DLG2: variants seen among roughly 807,000 people sequenced by gnomAD.
DLG2 encodes the protein disks large homolog 2.
A neutral mutation model predicts 132.5 loss-of-function variants in DLG2; 45 were observed. That is an observed-to-expected ratio of 0.34 (90% confidence interval 0.27 to 0.44). The LOEUF (loss-of-function observed/expected upper bound fraction) is 0.44, where lower values mean the gene tolerates loss of function less well. DLG2 is among the 20% of genes least tolerant of loss of function. DLG2 has a pLI of 1.00. For missense variants in DLG2, 1,045 were observed against 1,196.9 expected, an observed-to-expected ratio of 0.87 and a Z score of 1.87; for synonymous variants, 424 against 419.6, an observed-to-expected ratio of 1.01 and a Z score of -0.13.
At chr11:84,329,661 A>C (rs2154400590) in intron 7 of DLG2, among the ~76,000 whole-genome samples, 1 of 152,332 alleles carries the variant, frequency 6.6e-6, no homozygotes, top group Admixed American at 6.5e-5. Context: ...AGAACAGACT[A>C]AGATACATGC....
chr11:84,576,266 G>T (rs2099499744), intron 6 of DLG2, among the ~76,000 whole-genome samples: 1 of 152,098 alleles, frequency 6.6e-6, no homozygotes, highest in Non-Finnish European at 1.5e-5. Flanking sequence ...TAGCATTAAT[G>T]CCTGCCACAT....
At chr11:85,185,076 T>C (rs2079994764) in intron 4 of DLG2, among the ~76,000 whole-genome samples, 2 of 151,948 alleles carry the variant, frequency 1.3e-5, no homozygotes, top group Non-Finnish European at 2.9e-5. Flanking sequence ...TTTGTCTGCT[T>C]TTTCTTTTAT....
At chr11:84,984,801 T>C (rs1168590484) in intron 6 of DLG2, among the ~76,000 whole-genome samples, 1 of 152,148 alleles carries the variant, frequency 6.6e-6, no homozygotes, top group Non-Finnish European at 1.5e-5. Flanking sequence ...AGACATTCCA[T>C]GCAAATTGAC....
At chr11:84,566,467 G>A (rs913264179) in intron 6 of DLG2, among the ~76,000 whole-genome samples, 1 of 152,164 alleles carries the variant, frequency 6.6e-6, no homozygotes, top group African/African-American at 2.4e-5. Context: ...GAATACAAAT[G>A]TCCCTCTCTC....
At chr11:85,426,801 A>G (rs1458799860) in intron 3 of DLG2, among the ~76,000 whole-genome samples, 2 of 152,348 alleles carry the variant, frequency 1.3e-5, no homozygotes, top group Non-Finnish European at 2.9e-5. Context: ...AGTTGAGAGA[A>G]GAAGGCTTCA....
chr11:83,828,731 A>G (rs1003579549), intron 17 of DLG2, among the ~76,000 whole-genome samples: 2 of 152,196 alleles, frequency 1.3e-5, no homozygotes, highest in Admixed American at 1.3e-4. Context: ...GGGTATCTGA[A>G]CCTTTTTAAA....
intron 7 of DLG2, among the ~76,000 whole-genome samples, chr11:84,338,595 C>T (rs933564784): frequency 2.0e-5 from 3 of 152,140 alleles, no homozygotes; most frequent in South Asian, 2.1e-4. Flanking sequence ...GAGGCCAAGG[C>T]GGGAGTATCA....
chr11:84,872,745 T>G (rs1447428802), intron 6 of DLG2, among the ~76,000 whole-genome samples: 1 of 152,224 alleles, frequency 6.6e-6, no homozygotes, highest in Non-Finnish European at 1.5e-5. Context: ...CTTACTCTCT[T>G]TACAGTTTCA....
At chr11:85,440,340 A>G (rs1039760143) in intron 3 of DLG2, among the ~76,000 whole-genome samples, 2 of 152,240 alleles carry the variant, frequency 1.3e-5, no homozygotes, top group Non-Finnish European at 2.9e-5. Context: ...ATGTGATAAC[A>G]TATTTAAGAT....
rs141738485 is a variant in DLG2, at chr11:84,872,565, T to C, written c.357+239096A>G. ...AAGTGTAAGTATTGCCCAGTTTTAT[T>C]AAGGAAGTCATCAATAATTTCACAA... is the stretch of plus-strand genomic sequence containing the variant. On this transcript the variant is annotated intron_variant, in intron 6 of 27. Coordinates refer to ENST00000376104, the MANE Select transcript of DLG2 (RefSeq NM_001142699.3). 1.2e-3 allele frequency among the ~76,000 whole-genome samples: 189 copies of C among 152,350 alleles called. 1 individual carries two copies. Among genetic ancestry groups the C allele is most frequent in the African/African-American group, 4.3e-3 (179 of 41,586 alleles).
chr11:83,508,596 C>T (rs1168624744), intron 21 of DLG2, among the ~76,000 whole-genome samples: 1 of 151,838 alleles, frequency 6.6e-6, no homozygotes, highest in Admixed American at 6.6e-5. Context: ...CTCCTCTGTG[C>T]CATTGTCACA....
At chr11:84,079,403 C>T (rs1392369979) in intron 10 of DLG2, among the ~76,000 whole-genome samples, 1 of 152,108 alleles carries the variant, frequency 6.6e-6, no homozygotes, top group Admixed American at 6.5e-5. Flanking sequence ...CATGCTTCAG[C>T]CTCCCAAGTA....
chr11:83,939,838 T>G (rs1305385548), intron 14 of DLG2, among the ~76,000 whole-genome samples: 3 of 152,216 alleles, frequency 2.0e-5, no homozygotes, highest in East Asian at 3.8e-4. Context: ...GGGAACACTC[T>G]TATACCTTTA....
intron 7 of DLG2, among the ~76,000 whole-genome samples, chr11:84,455,238 C>T (rs943824629): frequency 4.0e-5 from 6 of 151,362 alleles, no homozygotes; most frequent in Non-Finnish European, 7.4e-5. Flanking sequence ...CACCATTTAA[C>T]GTTTAGTAAT....
intron 7 of DLG2, among the ~76,000 whole-genome samples, chr11:84,373,453 C>T (rs962533541): frequency 1.4e-4 from 21 of 151,702 alleles, no homozygotes; most frequent in Non-Finnish European, 2.5e-4. Context: ...GCCTGGAATC[C>T]CAGCTACTCA....
intron 7 of DLG2, among the ~76,000 whole-genome samples, chr11:84,269,221 C>T (rs772261702): frequency 5.3e-5 from 8 of 152,096 alleles, no homozygotes; most frequent in Non-Finnish European, 7.4e-5. Flanking sequence ...AGGTAAATAC[C>T]CCCAGGGCAA....
intron 3 of DLG2, 77 bp downstream of exon 3, chr11:85,598,580 G>T: frequency 2.9e-6 from 3 of 1,045,582 alleles, no homozygotes; most frequent in Non-Finnish European, 3.9e-6. Context: ...TTAACATCAG[G>T]TTCTTTGACC....
chr11:83,593,723 G>A (rs1226273832), intron 19 of DLG2, among the ~76,000 whole-genome samples: 5 of 148,872 alleles, frequency 3.4e-5, no homozygotes, highest in African/African-American at 9.9e-5. Flanking sequence ...TAAAAATCAT[G>A]TGGAAATCCA....
chr11:84,259,210 G>A (rs1478717208), intron 7 of DLG2, among the ~76,000 whole-genome samples: 6 of 151,448 alleles, frequency 4.0e-5, no homozygotes, highest in African/African-American at 1.5e-4. Context: ...AGGTGGAGGT[G>A]GCAGTAAGCT....
Sources: gnomAD v4.1 joint callset for allele counts (sites outside exome capture counted in the v4.1 genomes callset) on GRCh38, gnomAD v4.1.1 for gene constraint, MANE v1.5 for transcripts, NCBI Gene and HGNC (gene_info 2026-07-23, HGNC 2026-07-21) for gene names.